The following ATP5MF variants were observed in gnomAD, a reference collection of about 807,000 sequenced individuals.
ATP5MF encodes the protein ATP synthase F(0) complex subunit f, mitochondrial.
In ATP5MF, 10 loss-of-function variants were observed where a neutral mutation model predicts 13.8. That is an observed-to-expected ratio of 0.72 (90% CI 0.45 to 1.23). ATP5MF has a LOEUF of 1.23. Among genes scored for constraint, ATP5MF ranks in the 50% most tolerant of loss-of-function variants. The pLI, the probability that ATP5MF is intolerant of heterozygous loss-of-function variation, is 0.00. For synonymous variants in ATP5MF, 40 were observed against 45.8 expected (o/e 0.87, Z 0.51); for missense variants, 122 against 118.2 (o/e 1.03, Z -0.15).
intron 1 of ATP5MF, among the ~76,000 whole-genome samples, chr7:99,461,631 G>A (rs1798605194): frequency 6.6e-6 from 1 of 151,462 alleles, no homozygotes; most frequent in Non-Finnish European, 1.5e-5. Flanking sequence ...ATCACTTGAG[G>A]TCAGGAGTTT....
At chr7:99,463,895 G>C (rs919124701) in intron 1 of ATP5MF, among the ~76,000 whole-genome samples, 2 of 152,182 alleles carry the variant, frequency 1.3e-5, no homozygotes, top group African/African-American at 2.4e-5. Flanking sequence ...TGCCAACCGC[G>C]ATCTTATCTA....
At chr7:99,458,597 TCAGA>T (rs1325183854) in intron 3 of ATP5MF, among the ~76,000 whole-genome samples, 9 of 152,058 alleles carry the variant, frequency 5.9e-5, no homozygotes, top group South Asian at 2.1e-4. Context: ...GAACACACGC[TCAGA>T]CAAACAGCCC....
chr7:99,465,983 C>G, intron 1 of ATP5MF, 128 bp downstream of exon 1: 1 of 1,527,246 alleles, frequency 6.5e-7, no homozygotes, highest in Non-Finnish European at 8.9e-7. Context: ...TCTGGCGCGC[C>G]TCAAGTGAGG....
intron 1 of ATP5MF, among the ~76,000 whole-genome samples, chr7:99,465,336 G>A (rs1359162806): frequency 6.6e-6 from 1 of 152,112 alleles, no homozygotes; most frequent in Non-Finnish European, 1.5e-5. Flanking sequence ...CCACTATCAG[G>A]CTGTGTGACC....
intron 1 of ATP5MF, among the ~76,000 whole-genome samples, chr7:99,465,442 G>A (rs947689980): frequency 3.3e-5 from 5 of 152,124 alleles, no homozygotes; most frequent in African/African-American, 1.2e-4. Context: ...GGCTACTATG[G>A]AGCATCTAGG....
intron 1 of ATP5MF, among the ~76,000 whole-genome samples, chr7:99,462,288 TAAAAAAAAAA>T (rs755455949): frequency 2.9e-4 from 9 of 30,872 alleles, no homozygotes; most frequent in African/African-American, 9.0e-4. Context: ...CCATCACTAC[TAAAAAAAAAA>T]AAAAAAAAAA....
At position 99,458,254 on chromosome 7, in the gene ATP5MF, G is replaced by A. The variant is rs1292864066; in HGVS notation, c.*73C>T. Reference sequence around the variant, plus strand: ...TTAGGATATGAAAGGATTCAGCAACGATTGAGATTGTGTTCCTCACGGAGG... The same window carrying A: ...TTAGGATATGAAAGGATTCAGCAACAATTGAGATTGTGTTCCTCACGGAGG... On this transcript the variant is annotated 3_prime_UTR_variant, in exon 4 of 4. Coordinates refer to ENST00000292475, the MANE Select transcript of ATP5MF (RefSeq NM_004889.5). The A allele has an allele frequency of 6.8e-6, 10 of 1,460,780 alleles. No individual in the cohort carries two copies. The South Asian group carries it at 8.4e-5, about 12-fold the overall frequency. 90.5% of individuals were successfully genotyped at this position (1,460,780 alleles called of 1,614,324 possible).
chr7:99,458,436 A>C, intron 3 of ATP5MF, 81 bp from the exon 4 acceptor site: 2 of 1,409,294 alleles, frequency 1.4e-6, no homozygotes, highest in Non-Finnish European at 1.9e-6. Context: ...GGCTGAGATC[A>C]CACAAAGCCT....
chr7:99,460,404 A>G (rs1219250536), intron 1 of ATP5MF: 37 of 716,282 alleles, frequency 5.2e-5, no homozygotes, highest in Non-Finnish European at 5.7e-5. Context: ...CTGCAGGGAC[A>G]GCTTTATTAA....
chr7:99,460,211 G>GA lies in ATP5MF; in HGVS notation c.32-19dup, dbSNP rs1798537492. ...CACTGGTACTGAAACGGAAGAGTGA[G>GA]AAAAAATACCCACTGAATAATCTCC... is the stretch of plus-strand genomic sequence containing the variant. On this transcript the variant is annotated intron_variant, in intron 1 of 3. Coordinates refer to ENST00000292475, the MANE Select transcript of ATP5MF (RefSeq NM_004889.5). 3 of 1,611,662 alleles carry GA rather than the reference G, an allele frequency of 1.9e-6. No homozygotes were observed. The highest frequency in any genetic ancestry group is 8.5e-7 in the Non-Finnish European group (1 of 1,179,230).
intron 1 of ATP5MF, among the ~76,000 whole-genome samples, chr7:99,462,493 T>A (rs1302326338): frequency 9.3e-6 from 1 of 108,000 alleles, no homozygotes; most frequent in South Asian, 3.2e-4. Context: ...CCTAACACAT[T>A]TGGCAGGGCA....
intron 1 of ATP5MF, among the ~76,000 whole-genome samples, chr7:99,463,699 C>G (rs1441936428): frequency 2.6e-5 from 4 of 152,112 alleles, no homozygotes; most frequent in African/African-American, 9.7e-5. Flanking sequence ...TCACTTGAAC[C>G]TGGGAGGTGG....
intron 1 of ATP5MF, among the ~76,000 whole-genome samples, chr7:99,464,964 CA>C (rs201117864): frequency 6.8e-6 from 1 of 147,574 alleles, no homozygotes; most frequent in African/African-American, 2.5e-5. Flanking sequence ...GACTCCATGT[CA>C]AAAAAAAAGA....
At chr7:99,464,923 C>T (rs1798788383) in intron 1 of ATP5MF, among the ~76,000 whole-genome samples, 1 of 151,766 alleles carries the variant, frequency 6.6e-6, no homozygotes, top group East Asian at 1.9e-4. Flanking sequence ...ACGAGATCAG[C>T]TACTGCACTC....
At chr7:99,463,501 T>C (rs1798707264) in intron 1 of ATP5MF, among the ~76,000 whole-genome samples, 1 of 152,036 alleles carries the variant, frequency 6.6e-6, no homozygotes, top group Admixed American at 6.6e-5. Flanking sequence ...TTCTAGGCCC[T>C]GTACAGTGGC....
intron 1 of ATP5MF, among the ~76,000 whole-genome samples, chr7:99,464,226 C>T (rs1798742821): frequency 6.6e-6 from 1 of 152,244 alleles, no homozygotes; most frequent in Non-Finnish European, 1.5e-5. Context: ...CAAAATGCCC[C>T]AGTGTTCACT....
intron 1 of ATP5MF, among the ~76,000 whole-genome samples, chr7:99,461,323 C>T (rs1220635848): frequency 6.6e-6 from 1 of 152,058 alleles, no homozygotes; most frequent in Non-Finnish European, 1.5e-5. Context: ...GATCCTCCTG[C>T]CTCAACCTCC....
At chr7:99,464,545 C>T (rs1267525192) in intron 1 of ATP5MF, among the ~76,000 whole-genome samples, 1 of 152,144 alleles carries the variant, frequency 6.6e-6, no homozygotes, top group African/African-American at 2.4e-5. Flanking sequence ...CGCCTGTAGT[C>T]CCAGCTACTC....
chr7:99,466,088 C>T (rs774141156), intron 1 of ATP5MF, 23 bp downstream of exon 1: 34 of 1,613,992 alleles, frequency 2.1e-5, no homozygotes, highest in Admixed American at 6.7e-5. Flanking sequence ...CCTGCTTCCA[C>T]CACGGAGTCC....
Sources: allele counts gnomAD v4.1 joint callset (sites outside exome capture counted in the v4.1 genomes callset), GRCh38; gene constraint gnomAD v4.1.1; transcripts MANE v1.5; gene names NCBI Gene and HGNC (gene_info 2026-07-23, HGNC 2026-07-21).